Variants in DNAH5 observed in about 807,000 individuals in gnomAD.
DNAH5 encodes the protein dynein axonemal heavy chain 5.
DNAH5 carries 372 observed loss-of-function variants against 518.2 expected under a neutral mutation model. The observed-to-expected ratio is 0.72, with a 90% confidence interval of 0.66 to 0.78. The LOEUF (loss-of-function observed/expected upper bound fraction) is 0.78, where lower values mean the gene tolerates loss of function less well. Ranked by LOEUF, DNAH5 falls within the 30% of genes least tolerant of loss-of-function variation. The pLI is 0.00. For synonymous variants in DNAH5, 2,039 were observed against 2,025.9 expected (o/e 1.01, Z -0.17); for missense variants, 5,523 against 5,687.0 (o/e 0.97, Z 0.93).
chr5:13,834,913 C>T (rs1037992641), intron 35 of DNAH5, among the ~76,000 whole-genome samples: 2 of 152,332 alleles, frequency 1.3e-5, no homozygotes, highest in East Asian at 3.9e-4. Context: ...ATCTGACTTA[C>T]ATTCTGGTGT....
intron 1 of DNAH5, among the ~76,000 whole-genome samples, chr5:13,992,785 A>G (rs552326819): frequency 6.6e-6 from 1 of 152,316 alleles, no homozygotes; most frequent in African/African-American, 2.4e-5. Context: ...TTAAATCTTT[A>G]TAATAAGATT....
At chr5:13,852,780 G>A (rs1300217678) in intron 30 of DNAH5, among the ~76,000 whole-genome samples, 6 of 152,270 alleles carry the variant, frequency 3.9e-5, no homozygotes, top group African/African-American at 1.4e-4. Flanking sequence ...AGAGCCCACT[G>A]CAGCACCACA....
At chr5:13,708,424 A>C in intron 75 of DNAH5, 89 bp from the exon 76 acceptor site, 1 of 1,138,336 alleles carries the variant, frequency 8.8e-7, no homozygotes, top group East Asian at 2.3e-5. Flanking sequence ...AACAGGCCCA[A>C]ATTCTTACTA....
chr5:13,913,652 G>T (rs142342532), intron 11 of DNAH5, 91 bp downstream of exon 11: 21,284 of 1,446,130 alleles, frequency 0.015, 199 homozygotes, highest in Non-Finnish European at 0.018. Flanking sequence ...ACAGACTGAT[G>T]ATTTGAATCA....
Position 13,707,102 on chromosome 5 carries a change from C to T in DNAH5, c.13338+1021G>A, listed in dbSNP as rs1243146392. Among the ~76,000 whole-genome samples the T allele has an allele frequency of 6.6e-6, 1 of 152,202 alleles. No individual in the cohort carries two copies. Among genetic ancestry groups the T allele is most frequent in the African/African-American group, 2.4e-5 (1 of 41,454 alleles). ...GGCTGGATGTTGAGAGGAGTAGAAG[C>T]GCAGAAGGGCACACTGACAGACACC... On this transcript the variant is annotated intron_variant, in intron 76 of 78. Coordinates refer to ENST00000265104, the MANE Select transcript of DNAH5 (RefSeq NM_001369.3). The surrounding 1 kb of genome is among the most constrained non-coding windows in gnomAD (Gnocchi z 4.0).
rs1374346147 is a variant in DNAH5 at position 13,864,515 on chromosome 5, T to C, written c.4478A>G (p.Glu1493Gly). Residue 1493 changes from glutamate to glycine, a missense_variant, in exon 28 of 79, where the codon GAG becomes GGG. By Grantham distance (98) the Glu-to-Gly change is moderately conservative. This residue lies in a region of DNAH5 where 5,121 missense variants were observed against 5,223.3 expected (regional missense o/e 0.98). Coordinates refer to ENST00000265104, the MANE Select transcript of DNAH5 (RefSeq NM_001369.3). The stretch of plus-strand genomic sequence containing the variant: ...GGTGGTTATCCTTTCCCAGTGCCGC[T>C]CCATCATGGCTTTACTGGCCATGTA... Reference protein sequence around the residue: ...LEYMASKAMMERHWERITTLT... With the variant: ...LEYMASKAMMGRHWERITTLT... 1 of 1,613,972 alleles carries C rather than the reference T, an allele frequency of 6.2e-7. No individual in the cohort carries two copies. The highest frequency in any genetic ancestry group is 8.5e-7 in the Non-Finnish European group (1 of 1,180,020).
intron 58 of DNAH5, 85 bp downstream of exon 58, chr5:13,768,875 C>T: frequency 2.8e-6 from 4 of 1,435,542 alleles, no homozygotes; most frequent in Middle Eastern, 1.9e-4. Context: ...ACCAGTAGAG[C>T]ATTTCCTTGC....
At chr5:13,758,223 C>G (rs1221330774) in intron 61 of DNAH5, among the ~76,000 whole-genome samples, 1 of 152,100 alleles carries the variant, frequency 6.6e-6, no homozygotes, top group Non-Finnish European at 1.5e-5. Context: ...AGGTAAGGCA[C>G]TAGGGTGCCT....
intron 65 of DNAH5, among the ~76,000 whole-genome samples, chr5:13,743,041 A>T (rs1016675324): frequency 6.6e-6 from 1 of 152,086 alleles, no homozygotes; most frequent in African/African-American, 2.4e-5. Flanking sequence ...TTTGTATTAA[A>T]CAATTACTTT....
At chr5:13,909,318 A>G (rs1274560659) in intron 12 of DNAH5, among the ~76,000 whole-genome samples, 2 of 152,180 alleles carry the variant, frequency 1.3e-5, no homozygotes, top group Non-Finnish European at 2.9e-5. Flanking sequence ...TAATAATAAA[A>G]TAGTACAATT....
chr5:13,901,698 G>A, intron 13 of DNAH5, 125 bp from the exon 14 acceptor site: 1 of 640,162 alleles, frequency 1.6e-6, no homozygotes, highest in Non-Finnish European at 2.5e-6. Context: ...AAAAGAATGA[G>A]ATATTTACAT....
chr5:13,786,171 T>A lies in DNAH5; in HGVS notation c.8820+8A>T, dbSNP rs775482386. On this transcript the variant is annotated splice_region_variant and intron_variant, in intron 52 of 78. Transcript: ENST00000265104. ...TCCACAAGGCACTACTCAGAGTGGCTACTGTACCTTGACTAAGTGAACCAT... is the reference window on the plus strand; with the variant it reads ...TCCACAAGGCACTACTCAGAGTGGCAACTGTACCTTGACTAAGTGAACCAT... 6.2e-7 allele frequency: 1 copy of A among 1,613,808 alleles called. No individual in the cohort carries two copies. Among genetic ancestry groups the A allele is most frequent in the Non-Finnish European group, 8.5e-7 (1 of 1,179,840 alleles).
At chr5:13,983,253 C>T (rs913355469) in intron 1 of DNAH5, among the ~76,000 whole-genome samples, 3 of 152,136 alleles carry the variant, frequency 2.0e-5, no homozygotes, top group Middle Eastern at 3.2e-3. Context: ...TTCCACTGAG[C>T]TTGTGGGTGA....
intron 1 of DNAH5, among the ~76,000 whole-genome samples, chr5:13,996,491 G>GA (rs990539993): frequency 2.0e-5 from 3 of 152,204 alleles, no homozygotes; most frequent in Non-Finnish European, 4.4e-5. Context: ...GTGAACCTAT[G>GA]AAATCAAGGA....
In DNAH5 at chr5:13,855,454, C is replaced by T. The variant is rs867834226; in HGVS notation, c.4950+3998G>A. ...CGATCTCCTGACCTCGTGATCCGCCCGCCTCGGCCTCCCAAAGTGCTGGGA... is the reference window on the plus strand; with the variant it reads ...CGATCTCCTGACCTCGTGATCCGCCTGCCTCGGCCTCCCAAAGTGCTGGGA... On this transcript the variant is annotated intron_variant, in intron 30 of 78. Transcript: ENST00000265104. 5.0e-3 allele frequency among the ~76,000 whole-genome samples: 245 copies of T among 48,840 alleles called. 67 individuals are homozygous for T. The highest frequency in any genetic ancestry group is 0.014 in the African/African-American group (216 of 15,378). The allele number at this position is 48,840 out of a possible 152,430, so 32.0% of individuals were successfully genotyped here. A position where few individuals can be genotyped will look rare whatever the true frequency, so the allele number is the denominator to read the frequency against.
intron 47 of DNAH5, among the ~76,000 whole-genome samples, chr5:13,805,238 G>A (rs7709233): frequency 0.077 from 11,793 of 152,190 alleles, 607 homozygotes; most frequent in Admixed American, 0.14. Flanking sequence ...AGTGACTCAC[G>A]CCTGTAATCC....
intron 30 of DNAH5, among the ~76,000 whole-genome samples, chr5:13,851,517 C>T (rs13164300): frequency 0.37 from 56,474 of 151,532 alleles, 10,743 homozygotes; most frequent in South Asian, 0.45. Flanking sequence ...ATCATGTTGC[C>T]CAGGCTGGTC....
At chr5:13,798,736 TTTATTTTATTTATTTATTTATTTA>T (rs752894334) in intron 47 of DNAH5, among the ~76,000 whole-genome samples, 19 of 108,220 alleles carry the variant, frequency 1.8e-4, no homozygotes, top group Non-Finnish European at 2.9e-4. Context: ...CATGATTTTA[TTTATTTTATTTATTTATTTATTTA>T]TTTATTTATT....
At chr5:13,931,087 G>A (rs752581376) in intron 2 of DNAH5, 23 bp downstream of exon 2, 1 of 1,613,974 alleles carries the variant, frequency 6.2e-7, no homozygotes, top group South Asian at 1.1e-5. Flanking sequence ...CATCAAGTCA[G>A]TGAGAAGTGA....
Sources: allele counts gnomAD v4.1 joint callset (sites outside exome capture counted in the v4.1 genomes callset), GRCh38; gene constraint gnomAD v4.1.1; regional missense constraint gnomAD v4.1.1; non-coding constraint Gnocchi (gnomAD v3.1); transcripts MANE v1.5; gene names NCBI Gene and HGNC (gene_info 2026-07-23, HGNC 2026-07-21).